Variants in NXPE2 observed in about 807,000 individuals in gnomAD.
The protein encoded by NXPE2 is neurexophilin and PC-esterase domain family member 2, also known as NXPE family member 2.
A neutral mutation model predicts 34.4 loss-of-function variants in NXPE2; 34 were observed. The observed-to-expected ratio is 0.99, with a 90% confidence interval of 0.75 to 1.31. NXPE2 has a LOEUF of 1.31. Ranked by LOEUF, NXPE2 falls within the 40% of genes most tolerant of loss-of-function variation. The probability of loss-of-function intolerance (pLI) is 0.00; values close to 1 mark genes in which losing one functional copy is unlikely to be tolerated. For synonymous variants in NXPE2, 235 were observed against 231.3 expected, an observed-to-expected ratio of 1.02 and a Z score of -0.15; for missense variants, 649 against 672.5, an observed-to-expected ratio of 0.97 and a Z score of 0.39.
In NXPE2 at chr11:114,698,156, C is replaced by A; in HGVS notation, c.244C>A (p.Leu82Ile). The change falls in exon 3 of 6, where the codon CTT (leucine) becomes ATT (isoleucine). Residue 82 changes from leucine to isoleucine, a missense_variant. Physicochemically the swap from Leu to Ile is conservative, Grantham distance 5. Transcript: ENST00000389586. The part of the protein sequence containing the change: ...CPAVSPKETE[L>I]RIKDIMEKLD... ...AGCAGTTTCACCAAAAGAGACTGAA[C>A]TTAGAATAAAGGACATTATGGAGAA... 6.2e-7 allele frequency: 1 copy of A among 1,614,158 alleles called. No individual in the cohort carries two copies. Among genetic ancestry groups the A allele is most frequent in the Non-Finnish European group, 8.5e-7 (1 of 1,179,984 alleles).
the NXPE2 span, chr11:114,527,027 G>A: frequency 2.6e-5 from 4 of 152,262 alleles, no homozygotes; most frequent in Admixed American, 6.5e-5. Flanking sequence ...CATAGAGTTC[G>A]TAGATTGAAT....
the NXPE2 span, among the ~76,000 whole-genome samples, chr11:114,733,204 CTG>C: frequency 1.4e-4 from 21 of 152,320 alleles, no homozygotes; most frequent in African/African-American, 5.0e-4. Context: ...TCACGCCATT[CTG>C]TCTCAGCCTC....
At chr11:114,573,433 C>A in the NXPE2 span, among the ~76,000 whole-genome samples, 1 of 151,442 alleles carries the variant, frequency 6.6e-6, no homozygotes, top group Non-Finnish European at 1.5e-5. Flanking sequence ...GGTAAGAATT[C>A]ACCAGCCAAG....
the NXPE2 span, among the ~76,000 whole-genome samples, chr11:114,568,928 A>G: frequency 6.6e-6 from 1 of 152,032 alleles, no homozygotes; most frequent in Non-Finnish European, 1.5e-5. Flanking sequence ...TGTCTTTTTG[A>G]TGACTATATA....
chr11:114,785,472 TTGA>T, the NXPE2 span, among the ~76,000 whole-genome samples: 4 of 152,202 alleles, frequency 2.6e-5, no homozygotes, highest in African/African-American at 9.6e-5. Context: ...GCCGTGTTAT[TTGA>T]TGGAGTACAG....
the NXPE2 span, among the ~76,000 whole-genome samples, chr11:114,562,553 A>G: frequency 6.6e-6 from 1 of 152,248 alleles, no homozygotes; most frequent in Non-Finnish European, 1.5e-5. Flanking sequence ...GATATCAAAC[A>G]TAAATCCTGG....
upstream of NXPE2, among the ~76,000 whole-genome samples, chr11:114,676,380 T>A (rs997399675): frequency 3.4e-5 from 5 of 149,194 alleles, no homozygotes; most frequent in Non-Finnish European, 1.5e-5. Context: ...AATATTTAAA[T>A]TAAATATAAA....
the NXPE2 span, among the ~76,000 whole-genome samples, chr11:114,765,183 T>A: frequency 6.6e-6 from 1 of 152,240 alleles, no homozygotes; most frequent in African/African-American, 2.4e-5. Flanking sequence ...CCTTTGCTAA[T>A]GTCTCCACCT....
At chr11:114,748,639 G>A in the NXPE2 span, among the ~76,000 whole-genome samples, 1 of 151,978 alleles carries the variant, frequency 6.6e-6, no homozygotes, top group Admixed American at 6.6e-5. Flanking sequence ...GTACATTTTG[G>A]CAGGAATATC....
chr11:114,529,613 C>T, the NXPE2 span: 1 of 153,464 alleles, frequency 6.5e-6, no homozygotes, highest in Admixed American at 6.4e-5. Flanking sequence ...AAGGACTCCT[C>T]CACCCTGAGA....
At chr11:114,601,635 A>ATATATAT in the NXPE2 span, among the ~76,000 whole-genome samples, 1 of 80,644 alleles carries the variant, frequency 1.2e-5, no homozygotes, top group Non-Finnish European at 2.1e-5. Context: ...TATTATTTAT[A>ATATATAT]ATTATATATA....
chr11:114,787,708 T>TA, the NXPE2 span, among the ~76,000 whole-genome samples: 1 of 152,226 alleles, frequency 6.6e-6, no homozygotes, highest in Non-Finnish European at 1.5e-5. Context: ...GATGCTACTA[T>TA]GTATGTATCT....
chr11:114,782,047 T>C, the NXPE2 span, among the ~76,000 whole-genome samples: 1 of 152,224 alleles, frequency 6.6e-6, no homozygotes, highest in Admixed American at 6.5e-5. Flanking sequence ...GTTTATGTTC[T>C]TCTTGTACAC....
At chr11:114,733,112 G>GTTTC in the NXPE2 span, among the ~76,000 whole-genome samples, 1 of 151,704 alleles carries the variant, frequency 6.6e-6, no homozygotes, top group African/African-American at 2.4e-5. Context: ...TTGTTTGTTT[G>GTTTC]TTTTGACGGA....
At chr11:114,753,832 G>A in the NXPE2 span, among the ~76,000 whole-genome samples, 1 of 152,186 alleles carries the variant, frequency 6.6e-6, no homozygotes, top group African/African-American at 2.4e-5. Flanking sequence ...TAGGCCAGAT[G>A]TTACTGAGAT....
At chr11:114,495,708 G>T in the NXPE2 span, among the ~76,000 whole-genome samples, 1 of 152,066 alleles carries the variant, frequency 6.6e-6, no homozygotes, top group Admixed American at 6.6e-5. Flanking sequence ...AGGGCCTAAG[G>T]GCTCTTTAGT....
the NXPE2 span, among the ~76,000 whole-genome samples, chr11:114,539,908 C>G: frequency 6.6e-6 from 1 of 151,826 alleles, no homozygotes; most frequent in Non-Finnish European, 1.5e-5. Flanking sequence ...GAAAAAAACC[C>G]AAAGATTCCT....
the NXPE2 span, among the ~76,000 whole-genome samples, chr11:114,654,561 G>A: frequency 6.6e-6 from 1 of 152,128 alleles, no homozygotes; most frequent in East Asian, 1.9e-4. Flanking sequence ...TTATGAGTGA[G>A]AACATTCGGT....
chr11:114,728,295 C>T, the NXPE2 span, among the ~76,000 whole-genome samples: 1 of 152,112 alleles, frequency 6.6e-6, no homozygotes, highest in African/African-American at 2.4e-5. Context: ...AGCATATTTA[C>T]AGATCTGGGG....
Sources: allele counts gnomAD v4.1 joint callset (sites outside exome capture counted in the v4.1 genomes callset), GRCh38; gene constraint gnomAD v4.1.1; transcripts MANE v1.5; gene names NCBI Gene and HGNC (gene_info 2026-07-23, HGNC 2026-07-21).